PPP6R2: variants seen among roughly 807,000 people sequenced by gnomAD.
PPP6R2 encodes the protein protein phosphatase 6 regulatory subunit 2.
PPP6R2 carries 62 observed loss-of-function variants against 100.2 expected under a neutral mutation model. The ratio of observed to expected loss-of-function variants is 0.62; its 90% CI spans 0.50 to 0.76. The LOEUF is 0.76. Among genes scored for constraint, PPP6R2 ranks in the 30% least tolerant of loss-of-function variants. The probability of loss-of-function intolerance (pLI) is 0.00; values close to 1 mark genes in which losing one functional copy is unlikely to be tolerated. For missense variants in PPP6R2, 1,142 were observed against 1,276.3 expected, an observed-to-expected ratio of 0.89 and a Z score of 1.60; for synonymous variants, 525 against 514.7, an observed-to-expected ratio of 1.02 and a Z score of -0.27.
At chr22:50,389,129 G>A (rs563938181) in intron 2 of PPP6R2, 41 of 152,352 alleles carry the variant, frequency 2.7e-4, no homozygotes, top group African/African-American at 9.9e-4. Context: ...TCTAGAAGAT[G>A]TTGGTCATAC....
chr22:50,343,272 G>T (rs2042621810), upstream of PPP6R2: 1 of 149,952 alleles, frequency 6.7e-6, no homozygotes, highest in African/African-American at 2.4e-5. Flanking sequence ...CCGGCCGCGA[G>T]CGTGCGCGCC....
At chr22:50,335,265 G>A in the PPP6R2 span, among the ~76,000 whole-genome samples, 3 of 138,668 alleles carry the variant, frequency 2.2e-5, no homozygotes, top group African/African-American at 5.3e-5. Context: ...GGTTTTCACC[G>A]TGTTAGCCAG....
At chr22:50,402,411 C>G (rs1046140314) in intron 3 of PPP6R2, among the ~76,000 whole-genome samples, 1 of 151,562 alleles carries the variant, frequency 6.6e-6, no homozygotes, top group Non-Finnish European at 1.5e-5. Flanking sequence ...TCCCTGGCCC[C>G]AGGAGCCATA....
upstream of PPP6R2, among the ~76,000 whole-genome samples, chr22:50,339,666 T>C (rs2147829836): frequency 7.7e-6 from 1 of 130,546 alleles, no homozygotes; most frequent in Admixed American, 8.1e-5. Flanking sequence ...GGTGTATGTT[T>C]CGAGTGTGTG....
intron 4 of PPP6R2, among the ~76,000 whole-genome samples, chr22:50,409,866 A>C (rs1019830997): frequency 2.7e-4 from 41 of 151,950 alleles, no homozygotes; most frequent in African/African-American, 9.7e-4. Flanking sequence ...AGCTGGGATT[A>C]CAGGCGCCTG....
intron 2 of PPP6R2, among the ~76,000 whole-genome samples, chr22:50,381,243 C>T (rs2052867441): frequency 6.6e-6 from 1 of 150,766 alleles, no homozygotes; most frequent in Non-Finnish European, 1.5e-5. Context: ...ACCACACGGG[C>T]CCCACCTCAG....
intron 22 of PPP6R2, among the ~76,000 whole-genome samples, chr22:50,441,800 G>A (rs144788447): frequency 8.5e-5 from 13 of 152,304 alleles, no homozygotes; most frequent in African/African-American, 3.1e-4. Flanking sequence ...GGATCCTTCA[G>A]TAAACAGATA....
Position 50,422,366 on chromosome 22 carries a change from C to T in PPP6R2, c.958C>T (p.Leu320Phe), listed in dbSNP as rs1324592641. 2 of 1,613,980 alleles carry T rather than the reference C, an allele frequency of 1.2e-6. No homozygotes were observed. Among genetic ancestry groups the T allele is most frequent in the East Asian group, 2.2e-5 (1 of 44,886 alleles). The part of the protein sequence containing the change: ...PRLKDFHQLL[L>F]NPPKKKAILT... ...GCTGAAGGACTTCCACCAGCTCCTGCTCAACCCGCCCAAGGTAAATGGCCG... is the reference window on the plus strand; with the variant it reads ...GCTGAAGGACTTCCACCAGCTCCTGTTCAACCCGCCCAAGGTAAATGGCCG... The change falls in exon 9 of 24, where the codon CTC (leucine) becomes TTC (phenylalanine). Residue 320 changes from leucine to phenylalanine, a missense_variant. Transcript: ENST00000612753.
chr22:50,414,473 C>A, intron 4 of PPP6R2, 79 bp from the exon 5 acceptor site: 1 of 1,507,190 alleles, frequency 6.6e-7, no homozygotes, highest in Non-Finnish European at 9.1e-7. Context: ...GTTCAACTTT[C>A]CCATGAGAGT....
At chr22:50,367,503 A>C (rs1463581878) in intron 1 of PPP6R2, among the ~76,000 whole-genome samples, 3 of 151,990 alleles carry the variant, frequency 2.0e-5, no homozygotes, top group Non-Finnish European at 4.4e-5. Flanking sequence ...GATGCTTAGG[A>C]TGTACCTGTT....
chr22:50,377,374 G>A (rs1316695679), intron 2 of PPP6R2, among the ~76,000 whole-genome samples: 1 of 152,116 alleles, frequency 6.6e-6, no homozygotes, highest in Non-Finnish European at 1.5e-5. Flanking sequence ...AAGATCACTC[G>A]AGCCCAGGAG....
chr22:50,438,120 G>T (rs568156689), intron 17 of PPP6R2, 54 bp from the exon 18 acceptor site: 162 of 1,573,078 alleles, frequency 1.0e-4, no homozygotes, highest in Non-Finnish European at 1.3e-4. Flanking sequence ...GGGGAGAGCG[G>T]CTCCTGTCTC....
At chr22:50,380,487 A>C (rs2052639281) in intron 2 of PPP6R2, among the ~76,000 whole-genome samples, 2 of 151,156 alleles carry the variant, frequency 1.3e-5, no homozygotes, top group South Asian at 2.1e-4. Flanking sequence ...CAGCCTCCCG[A>C]GTAGCTGGGA....
In PPP6R2 at chr22:50,444,054, C is replaced by A. The variant is rs573472469; in HGVS notation, c.2768C>A (p.Pro923His). 4 of 1,613,090 alleles carry A rather than the reference C, an allele frequency of 2.5e-6. No homozygotes were observed. The South Asian group carries it at 4.4e-5, about 18-fold the overall frequency. The change falls in exon 23 of 24, where the codon CCC becomes CAC. Residue 923 changes from proline to histidine, a missense_variant. Physicochemically the swap from Pro to His is moderately conservative, Grantham distance 77. Coordinates refer to ENST00000612753, the MANE Select transcript of PPP6R2 (RefSeq NM_001242898.2). Reference protein sequence around the residue: ...SALAVAVPLGPIMAVTAAPAM... With the variant: ...SALAVAVPLGHIMAVTAAPAM... ...CTGGCCGTGGCGGTCCCCCTAGGGC[C>A]CATCATGGCAGTCACAGCAGCCCCA...
At chr22:50,397,540 G>C (rs1221594809) in intron 3 of PPP6R2, among the ~76,000 whole-genome samples, 1 of 116,708 alleles carries the variant, frequency 8.6e-6, no homozygotes, top group Non-Finnish European at 1.7e-5. Flanking sequence ...TTGGGATGCT[G>C]GGGGGCAGGG....
chr22:50,367,943 G>A (rs1450361669), intron 1 of PPP6R2, among the ~76,000 whole-genome samples: 1 of 152,224 alleles, frequency 6.6e-6, no homozygotes, highest in Non-Finnish European at 1.5e-5. Context: ...AGGGTAAGGA[G>A]TGTGAGTGGC....
intron 1 of PPP6R2, among the ~76,000 whole-genome samples, chr22:50,355,703 A>G (rs548506693): frequency 7.0e-6 from 1 of 143,290 alleles, no homozygotes; most frequent in East Asian, 2.1e-4. Flanking sequence ...TTCTATTTTT[A>G]GTAGAGACGG....
intron 8 of PPP6R2, among the ~76,000 whole-genome samples, chr22:50,420,415 G>A (rs1053281004): frequency 6.6e-6 from 1 of 152,222 alleles, no homozygotes; most frequent in Admixed American, 6.5e-5. Flanking sequence ...GCTGAGTCAC[G>A]ACAGTGAATG....
chr22:50,401,757 C>T (rs1377631073), intron 3 of PPP6R2, among the ~76,000 whole-genome samples: 1 of 151,970 alleles, frequency 6.6e-6, no homozygotes, highest in Non-Finnish European at 1.5e-5. Flanking sequence ...ATTCTCCTGC[C>T]TCAGCCTCTT....
Sources: gnomAD v4.1 joint callset for allele counts (sites outside exome capture counted in the v4.1 genomes callset) on GRCh38, gnomAD v4.1.1 for gene constraint, MANE v1.5 for transcripts, NCBI Gene and HGNC (gene_info 2026-07-23, HGNC 2026-07-21) for gene names.